The following RFX1 variants were observed in gnomAD, a reference collection of about 807,000 sequenced individuals.
RFX1 encodes regulatory factor X1.
In RFX1, 42 loss-of-function variants were observed where a neutral mutation model predicts 119.6. The ratio of observed to expected loss-of-function variants is 0.35; its 90% CI spans 0.27 to 0.45. The LOEUF (loss-of-function observed/expected upper bound fraction) is 0.45. RFX1 is among the 20% of genes least tolerant of loss of function. The probability of loss-of-function intolerance (pLI) is 1.00; values close to 1 mark genes in which losing one functional copy is unlikely to be tolerated. For missense variants in RFX1, 1,118 were observed against 1,368.1 expected (o/e 0.82, Z 2.88); for synonymous variants, 628 against 618.5 (o/e 1.02, Z -0.23).
chr19:13,977,869 C>T (rs1361315878), intron 8 of RFX1, 123 bp downstream of exon 8: 1 of 713,026 alleles, frequency 1.4e-6, no homozygotes, highest in African/African-American at 1.8e-5. Context: ...GTGTGTCTGT[C>T]ACCTGAGGCC....
chr19:13,966,443 T>C lies in RFX1; in HGVS notation c.1939A>G (p.Ser647Gly). ...CACACAGCCAGCGGTGGCGCCTCAC[T>C]GGGCTGGCTGAGGTTGTACCTCCAG... ...TFWRYNLSQP[S>G]EAPPLAVHDE... is the part of the protein sequence containing the mutation. Residue 647 changes from serine to glycine, a missense_variant, in exon 14 of 21, where the codon AGT becomes GGT. Coordinates refer to ENST00000254325, the MANE Select transcript of RFX1 (RefSeq NM_002918.5). The surrounding 1 kb of genome is among the most constrained non-coding windows in gnomAD (Gnocchi z 6.3). 1 of 1,610,792 alleles carries C rather than the reference T, an allele frequency of 6.2e-7. No individual in the cohort carries two copies. The highest frequency in any genetic ancestry group is 8.5e-7 in the Non-Finnish European group (1 of 1,178,430).
chr19:13,963,249 A>G lies in RFX1; in HGVS notation c.2597T>C (p.Leu866Pro), dbSNP rs1275131556. 6.2e-7 allele frequency: 1 copy of G among 1,611,478 alleles called. No individual in the cohort carries two copies. The highest frequency in any genetic ancestry group is 8.5e-7 in the Non-Finnish European group (1 of 1,179,370). ...YSSMVIRDLT[L>P]RSAASFGSFH... Reference sequence around the variant, plus strand: ...GGAACCGAAGCTGGCGGCGCTGCGCAGGGTCAGGTCCCGGATCACCATGGA... The same window carrying G: ...GGAACCGAAGCTGGCGGCGCTGCGCGGGGTCAGGTCCCGGATCACCATGGA... Residue 866 changes from leucine to proline, a missense_variant, in exon 19 of 21, where the codon CTG (leucine) becomes CCG (proline). Leu to Pro is a moderately conservative substitution (Grantham distance 98). Coordinates refer to ENST00000254325, the MANE Select transcript of RFX1 (RefSeq NM_002918.5).
At chr19:13,973,234 C>A in intron 8 of RFX1, 107 bp from the exon 9 acceptor site, 1 of 810,028 alleles carries the variant, frequency 1.2e-6, no homozygotes, top group Non-Finnish European at 2.0e-6. Flanking sequence ...GGGGAAGCAG[C>A]AGCTCCCCTG....
chr19:13,997,258 G>T (rs1331449814), intron 1 of RFX1, among the ~76,000 whole-genome samples: 1 of 152,208 alleles, frequency 6.6e-6, no homozygotes, highest in African/African-American at 2.4e-5. Flanking sequence ...AAACTCAAGA[G>T]GTGTCCGAGT....
chr19:13,986,864 G>C lies in RFX1; in HGVS notation c.320-3269C>G, dbSNP rs1467829334. ...GCTGGACTCCTGGCATCCACCCTGG[G>C]GGCCTGGCCCCCTTCCCCATAGACA... On this transcript the variant is annotated intron_variant, in intron 2 of 20. Transcript: ENST00000254325. This position sits in a 1 kb window ranked among gnomAD's most constrained non-coding sequence, Gnocchi z 4.2. Among the ~76,000 whole-genome samples the C allele has an allele frequency of 1.3e-5, 2 of 152,116 alleles. No individual in the cohort carries two copies. The highest frequency in any genetic ancestry group is 2.9e-5 in the Non-Finnish European group (2 of 67,990).
rs1975318523 is a variant in RFX1, at chr19:14,004,813, A to G, written c.-53+1290T>C. On this transcript the variant is annotated intron_variant, in intron 1 of 20. Coordinates refer to ENST00000254325, the MANE Select transcript of RFX1 (RefSeq NM_002918.5). ...CAAAAGCAAGACGGAGAATAAGCCAACTAGACTTGGCCTGGCTGGCTACTT... is the reference window on the plus strand; with the variant it reads ...CAAAAGCAAGACGGAGAATAAGCCAGCTAGACTTGGCCTGGCTGGCTACTT... 2.6e-5 allele frequency among the ~76,000 whole-genome samples: 4 copies of G among 152,252 alleles called. No individual in the cohort carries two copies. In the South Asian group the frequency reaches 8.3e-4, roughly 32 times the overall value.
rs542545439 is a variant in RFX1 at position 13,995,542 on chromosome 19, G to T, written c.-52-1647C>A. On this transcript the variant is annotated intron_variant, in intron 1 of 20. Transcript: ENST00000254325. ...GCTGCACTGAGAACCTGGCAGCTGC[G>T]GCTGACTTCAGAACAGGGCCGGCCT... 1.2e-3 allele frequency among the ~76,000 whole-genome samples: 190 copies of T among 152,282 alleles called. 2 individuals carry two copies. The highest frequency in any genetic ancestry group is 4.2e-3 in the African/African-American group (173 of 41,568).
Position 13,962,656 on chromosome 19 carries a change from A to AGGGG in RFX1, c.*35_*38dup. 1.7e-6 allele frequency: 1 copy of AGGGG among 599,406 alleles called. No individual in the cohort carries two copies. The highest frequency in any genetic ancestry group is 5.6e-5 in the South Asian group (1 of 17,864). 37.1% of individuals were successfully genotyped at this position (599,406 alleles called of 1,614,324 possible). A position where few individuals can be genotyped will look rare whatever the true frequency, so the allele number is the denominator to read the frequency against. ...GAAGCTTTGAGGGACCCTGGCGTGGAGGGGTGGCGGGGGCGGGTGGGGCGG... is the reference window on the plus strand; with the variant it reads ...GAAGCTTTGAGGGACCCTGGCGTGGAGGGGGGGGTGGCGGGGGCGGGTGGGGCGG... On this transcript the variant is annotated 3_prime_UTR_variant, in exon 21 of 21. Coordinates refer to ENST00000254325, the MANE Select transcript of RFX1 (RefSeq NM_002918.5).
intron 1 of RFX1, among the ~76,000 whole-genome samples, 178 bp from the exon 2 acceptor site, chr19:13,994,073 G>A (rs367647435): frequency 4.6e-5 from 7 of 151,926 alleles, no homozygotes; most frequent in East Asian, 1.9e-4. Context: ...TATCCAACCC[G>A]TCACTGCAGG....
intron 7 of RFX1, 136 bp from the exon 8 acceptor site, chr19:13,978,222 C>T: frequency 1.7e-6 from 1 of 605,770 alleles, no homozygotes; most frequent in Non-Finnish European, 2.9e-6. Flanking sequence ...GGACTCTCAA[C>T]AAAACACCCT....
At chr19:14,005,716 C>T (rs1422589676) in intron 1 of RFX1, among the ~76,000 whole-genome samples, 1 of 152,138 alleles carries the variant, frequency 6.6e-6, no homozygotes, top group Non-Finnish European at 1.5e-5. Flanking sequence ...TTGGGGAGAC[C>T]CAGCCGGCCC....
chr19:13,966,343 A>C lies in RFX1; in HGVS notation c.1961+78T>G. 1.1e-6 allele frequency: 1 copy of C among 904,528 alleles called. No individual in the cohort carries two copies. The highest frequency in any genetic ancestry group is 2.5e-5 in the East Asian group (1 of 39,958). The allele number at this position is 904,528 out of a possible 1,614,324, so 56.0% of individuals were successfully genotyped here. A position where few individuals can be genotyped will look rare whatever the true frequency, so the allele number is the denominator to read the frequency against. On this transcript the variant is annotated intron_variant, in intron 14 of 20. Coordinates refer to ENST00000254325, the MANE Select transcript of RFX1 (RefSeq NM_002918.5). This position sits in a 1 kb window ranked among gnomAD's most constrained non-coding sequence, Gnocchi z 6.3. ...ACTGCAGGGGACAAGCAGGTGCCCC[A>C]ACCCTGGCCATCAAAATCACCTGCG...
chr19:13,972,671 C>T, intron 9 of RFX1, 72 bp downstream of exon 9: 1 of 1,248,574 alleles, frequency 8.0e-7, no homozygotes, highest in Non-Finnish European at 1.1e-6. Flanking sequence ...TAACCACCGT[C>T]ATGGACTGGG....
intron 7 of RFX1, among the ~76,000 whole-genome samples, chr19:13,978,762 G>A (rs1162678192): frequency 6.6e-6 from 1 of 152,162 alleles, no homozygotes; most frequent in East Asian, 1.9e-4. Context: ...TGAGGGCCGT[G>A]GCGGCCGTGC....
chr19:14,004,998 T>G (rs769460815), intron 1 of RFX1, among the ~76,000 whole-genome samples: 1 of 152,188 alleles, frequency 6.6e-6, no homozygotes, highest in African/African-American at 2.4e-5. Flanking sequence ...TGTGACTCGG[T>G]TGACACTCGT....
At chr19:14,006,394 T>G (rs1230062646), upstream of RFX1, 1 of 152,292 alleles carries the variant, frequency 6.6e-6, no homozygotes, top group Non-Finnish European at 1.5e-5. Flanking sequence ...GAGAAGTGAT[T>G]GGACGGCGCC....
chr19:13,963,865 T>G lies in RFX1; in HGVS notation c.2354A>C (p.Asn785Thr). The G allele has an allele frequency of 6.5e-7, 1 of 1,536,940 alleles. No individual in the cohort carries two copies. The highest frequency in any genetic ancestry group is 2.6e-5 in the East Asian group (1 of 39,194). The part of the protein sequence containing the change: ...LSDLNRVDFA[N>T]VQEQASWVCR... ...GCCCCGCCCCGCGCTCACCTGCACG[T>G]TGGCGAAGTCCACGCGGTTGAGGTC... The change falls in exon 17 of 21, where the codon AAC becomes ACC. Residue 785 changes from asparagine (N) to threonine (T), a missense_variant. Coordinates refer to ENST00000254325, the MANE Select transcript of RFX1 (RefSeq NM_002918.5).
intron 2 of RFX1, 85 bp downstream of exon 2, chr19:13,993,440 G>T: frequency 1.5e-6 from 2 of 1,352,170 alleles, no homozygotes; most frequent in African/African-American, 1.5e-5. Flanking sequence ...GGGGGGCATG[G>T]CAGCCCTGTG....
At chr19:13,971,203 G>T (rs1315964906) in intron 9 of RFX1, among the ~76,000 whole-genome samples, 1 of 151,506 alleles carries the variant, frequency 6.6e-6, no homozygotes, top group Non-Finnish European at 1.5e-5. Flanking sequence ...GTGTGGTGGT[G>T]GGCACCTGTC....
Sources: gnomAD v4.1 joint callset for allele counts (sites outside exome capture counted in the v4.1 genomes callset) on GRCh38, gnomAD v4.1.1 for gene constraint, Gnocchi (gnomAD v3.1) non-coding constraint, MANE v1.5 for transcripts, NCBI Gene and HGNC (gene_info 2026-07-23, HGNC 2026-07-21) for gene names.